Variants in LHFPL3 observed in about 807,000 individuals in gnomAD.
LHFPL3 encodes LHFPL tetraspan subfamily member 3 protein.
LHFPL3 carries 5 observed loss-of-function variants against 19.3 expected under a neutral mutation model. The observed-to-expected ratio is 0.26, with a 90% CI of 0.14 to 0.54. The LOEUF (loss-of-function observed/expected upper bound fraction) is 0.54, where lower values mean the gene tolerates loss of function less well. Ranked by LOEUF, LHFPL3 falls within the 20% of genes least tolerant of loss-of-function variation. LHFPL3 has a pLI of 0.94. For synonymous variants in LHFPL3, 133 were observed against 126.2 expected (o/e 1.05, Z -0.36); for missense variants, 249 against 307.4 (o/e 0.81, Z 1.42).
chr7:104,582,856 T>G (rs755842418), intron 1 of LHFPL3, among the ~76,000 whole-genome samples: 1 of 151,928 alleles, frequency 6.6e-6, no homozygotes, highest in African/African-American at 2.4e-5. Context: ...TTGCTAAGGA[T>G]TTTTGCATCT....
chr7:104,533,008 A>G (rs1015378585), intron 1 of LHFPL3, among the ~76,000 whole-genome samples: 1 of 152,212 alleles, frequency 6.6e-6, no homozygotes, highest in Non-Finnish European at 1.5e-5. Context: ...TTCCAAGGGA[A>G]CTATAGTCGT....
chr7:104,766,555 A>G (rs2116385665), intron 2 of LHFPL3, among the ~76,000 whole-genome samples: 1 of 152,302 alleles, frequency 6.6e-6, no homozygotes, highest in South Asian at 2.1e-4. Context: ...AGCCCATGAA[A>G]TTACTGGGGA....
At chr7:104,512,848 T>C (rs1793845997) in intron 1 of LHFPL3, among the ~76,000 whole-genome samples, 1 of 152,200 alleles carries the variant, frequency 6.6e-6, no homozygotes, top group South Asian at 2.1e-4. Flanking sequence ...ATGCTTGAGT[T>C]ATATCTTGGA....
At chr7:104,428,647 T>C (rs1791893822) in intron 1 of LHFPL3, among the ~76,000 whole-genome samples, 1 of 152,240 alleles carries the variant, frequency 6.6e-6, no homozygotes, top group Non-Finnish European at 1.5e-5. Flanking sequence ...TGACCTGTCT[T>C]TGTGAAACTA....
At chr7:104,598,023 T>G (rs562044647) in intron 1 of LHFPL3, among the ~76,000 whole-genome samples, 8 of 152,302 alleles carry the variant, frequency 5.3e-5, no homozygotes, top group African/African-American at 1.9e-4. Context: ...GGTAAAATTA[T>G]TGCTGTTTTA....
At position 104,719,871 on chromosome 7, in the gene LHFPL3, A is replaced by T. The variant is rs552824041; in HGVS notation, c.446-16804A>T. Reference sequence around the variant, plus strand: ...TGTGGACCGTGTATGACCTCGAGCAAGTATTTGACATTTGTATGCCTCTGT... The same window carrying T: ...TGTGGACCGTGTATGACCTCGAGCATGTATTTGACATTTGTATGCCTCTGT... On this transcript the variant is annotated intron_variant, in intron 1 of 2. Transcript: ENST00000424859. Among the ~76,000 whole-genome samples the T allele has an allele frequency of 1.1e-4, 16 of 152,300 alleles. No individual in the cohort carries two copies. The East Asian group carries it at 3.1e-3, about 29-fold the overall frequency.
intron 1 of LHFPL3, among the ~76,000 whole-genome samples, chr7:104,452,857 A>G (rs1347979887): frequency 1.3e-5 from 2 of 152,224 alleles, no homozygotes; most frequent in South Asian, 2.1e-4. Context: ...AAGTCCATCA[A>G]TAAAGCACTG....
At chr7:104,493,258 GTTC>G (rs1285485243) in intron 1 of LHFPL3, among the ~76,000 whole-genome samples, 1 of 151,936 alleles carries the variant, frequency 6.6e-6, no homozygotes, top group Non-Finnish European at 1.5e-5. Flanking sequence ...TGCTTTCCTA[GTTC>G]TTCTACTTCT....
chr7:104,624,832 G>A (rs1447392179), intron 1 of LHFPL3, among the ~76,000 whole-genome samples: 1 of 152,110 alleles, frequency 6.6e-6, no homozygotes, highest in Non-Finnish European at 1.5e-5. Flanking sequence ...ATGTGTCTTT[G>A]GTTTGTTATG....
chr7:104,563,910 T>C (rs1459203516), intron 1 of LHFPL3, among the ~76,000 whole-genome samples: 1 of 152,228 alleles, frequency 6.6e-6, no homozygotes, highest in South Asian at 2.1e-4. Context: ...TGCCATTAAA[T>C]AATAGCTTAA....
At chr7:104,593,144 T>C (rs1790762206) in intron 1 of LHFPL3, among the ~76,000 whole-genome samples, 1 of 152,200 alleles carries the variant, frequency 6.6e-6, no homozygotes, top group African/African-American at 2.4e-5. Context: ...GTGTCAATTT[T>C]AGATCTTTCC....
chr7:104,334,713 G>C (rs1486558190), intron 1 of LHFPL3, among the ~76,000 whole-genome samples: 1 of 152,160 alleles, frequency 6.6e-6, no homozygotes, highest in African/African-American at 2.4e-5. Context: ...ACCCTAATTT[G>C]TGATGAGCTT....
At chr7:104,806,267 G>C (rs2116489976) in intron 2 of LHFPL3, among the ~76,000 whole-genome samples, 1 of 152,274 alleles carries the variant, frequency 6.6e-6, no homozygotes, top group Non-Finnish European at 1.5e-5. Flanking sequence ...ATTAGTTCAG[G>C]ACTAAGTTAT....
intron 1 of LHFPL3, among the ~76,000 whole-genome samples, chr7:104,612,931 C>T (rs991851200): frequency 6.6e-6 from 1 of 152,180 alleles, no homozygotes; most frequent in African/African-American, 2.4e-5. Context: ...TCCCACACTA[C>T]ACTCAGCTCT....
rs190775038 is a variant in LHFPL3, at chr7:104,628,432, G to A, written c.446-108243G>A. 1.9e-4 allele frequency among the ~76,000 whole-genome samples: 29 copies of A among 152,234 alleles called. 1 individual carries two copies. Among genetic ancestry groups the A allele is most frequent in the South Asian group, 1.5e-3 (7 of 4,818 alleles). Reference sequence around the variant, plus strand: ...ACTGGCAAATAAAGTTGTAGAACTCGCCAAGCAACAGAAGTCAAATGCTCA... The same window carrying A: ...ACTGGCAAATAAAGTTGTAGAACTCACCAAGCAACAGAAGTCAAATGCTCA... On this transcript the variant is annotated intron_variant, in intron 1 of 2. Coordinates refer to ENST00000424859, the MANE Select transcript of LHFPL3 (RefSeq NM_199000.3).
intron 1 of LHFPL3, among the ~76,000 whole-genome samples, chr7:104,695,373 A>G (rs1024907341): frequency 3.9e-5 from 6 of 152,258 alleles, no homozygotes; most frequent in Non-Finnish European, 8.8e-5. Context: ...AGTGATTACA[A>G]TAAGAAATGC....
At chr7:104,481,121 A>T (rs1218941869) in intron 1 of LHFPL3, among the ~76,000 whole-genome samples, 1 of 152,160 alleles carries the variant, frequency 6.6e-6, no homozygotes, top group East Asian at 1.9e-4. Flanking sequence ...GCAAAGAAGG[A>T]CACTCCTTAA....
intron 1 of LHFPL3, among the ~76,000 whole-genome samples, chr7:104,375,481 A>C (rs1417510697): frequency 6.6e-6 from 1 of 152,260 alleles, no homozygotes; most frequent in African/African-American, 2.4e-5. Flanking sequence ...CTGTAAGCAC[A>C]TTAAGATATT....
intron 1 of LHFPL3, among the ~76,000 whole-genome samples, chr7:104,654,458 T>C (rs543989676): frequency 1.3e-5 from 2 of 152,296 alleles, no homozygotes; most frequent in African/African-American, 4.8e-5. Context: ...AAGTTCCAAT[T>C]TGGGAATCAG....
Sources: gnomAD v4.1 joint callset for allele counts (sites outside exome capture counted in the v4.1 genomes callset) on GRCh38, gnomAD v4.1.1 for gene constraint, MANE v1.5 for transcripts, NCBI Gene and HGNC (gene_info 2026-07-23, HGNC 2026-07-21) for gene names.